GPM6A: variants seen among roughly 807,000 people sequenced by gnomAD.
The protein encoded by GPM6A is neuronal membrane glycoprotein M6-a.
A neutral mutation model predicts 32.1 loss-of-function variants in GPM6A; 7 were observed. That is an observed-to-expected ratio of 0.22 (90% CI 0.12 to 0.41). The LOEUF (loss-of-function observed/expected upper bound fraction) is 0.41, where lower values mean the gene tolerates loss of function less well. Ranked by LOEUF, GPM6A falls within the 10% of genes least tolerant of loss-of-function variation. The pLI, the probability that GPM6A is intolerant of heterozygous loss-of-function variation, is 1.00. For synonymous variants in GPM6A, 130 were observed against 123.4 expected, an observed-to-expected ratio of 1.05 and a Z score of -0.35; for missense variants, 235 against 347.2, an observed-to-expected ratio of 0.68 and a Z score of 2.57.
chr4:175,756,032 G>A (rs1732510027), intron 1 of GPM6A, among the ~76,000 whole-genome samples: 1 of 152,166 alleles, frequency 6.6e-6, no homozygotes, highest in Non-Finnish European at 1.5e-5. Context: ...AAGAGGAGGA[G>A]AGAAGATTTC....
At chr4:175,695,205 G>A (rs1480392876) in intron 2 of GPM6A, among the ~76,000 whole-genome samples, 1 of 152,216 alleles carries the variant, frequency 6.6e-6, no homozygotes, top group Non-Finnish European at 1.5e-5. Context: ...ACTATGGAGG[G>A]GAAATGTGAG....
chr4:175,697,500 G>C (rs1348097449), intron 2 of GPM6A, among the ~76,000 whole-genome samples: 1 of 152,136 alleles, frequency 6.6e-6, no homozygotes, highest in East Asian at 1.9e-4. Context: ...ACCAACAGAA[G>C]TTGTGATTAG....
chr4:175,716,692 A>C (rs1352864004), intron 1 of GPM6A, among the ~76,000 whole-genome samples: 2 of 152,232 alleles, frequency 1.3e-5, no homozygotes, highest in African/African-American at 4.8e-5. Context: ...TGAGACCTTC[A>C]GAACTATTAA....
chr4:175,921,852 T>C (rs1411051493), intron 1 of GPM6A, among the ~76,000 whole-genome samples: 2 of 152,166 alleles, frequency 1.3e-5, no homozygotes, highest in Non-Finnish European at 2.9e-5. Context: ...CAACACAAAT[T>C]ATATTAGCCT....
chr4:175,893,088 C>T (rs1266149526), intron 1 of GPM6A, among the ~76,000 whole-genome samples: 2 of 152,112 alleles, frequency 1.3e-5, no homozygotes, highest in African/African-American at 2.4e-5. Context: ...TGCACTGTTT[C>T]GCTACTTAAT....
intron 2 of GPM6A, among the ~76,000 whole-genome samples, chr4:175,682,334 G>A (rs994170864): frequency 8.5e-5 from 13 of 152,116 alleles, no homozygotes; most frequent in African/African-American, 2.4e-4. Flanking sequence ...TATTTAAACA[G>A]GAAGCATAGC....
chr4:175,740,551 A>G (rs1466700366), intron 1 of GPM6A, among the ~76,000 whole-genome samples: 58 of 152,182 alleles, frequency 3.8e-4, no homozygotes, highest in Non-Finnish European at 2.9e-5. Flanking sequence ...CTCCCAACAG[A>G]AAGAAAAATT....
intron 1 of GPM6A, among the ~76,000 whole-genome samples, chr4:176,000,677 T>A (rs149593674): frequency 6.6e-6 from 1 of 152,168 alleles, no homozygotes; most frequent in African/African-American, 2.4e-5. Flanking sequence ...ATTTTGACTT[T>A]CCATTTCTGA....
At chr4:175,868,795 C>G (rs576877805) in intron 1 of GPM6A, among the ~76,000 whole-genome samples, 12 of 152,250 alleles carry the variant, frequency 7.9e-5, no homozygotes, top group African/African-American at 2.9e-4. Context: ...ATGTTGAATC[C>G]TTACTTGATG....
At chr4:175,705,441 G>A (rs568985521) in intron 1 of GPM6A, among the ~76,000 whole-genome samples, 1 of 152,188 alleles carries the variant, frequency 6.6e-6, no homozygotes, top group South Asian at 2.1e-4. Context: ...CACTTGTAAC[G>A]GGCTAGATCC....
intron 1 of GPM6A, among the ~76,000 whole-genome samples, chr4:175,987,645 G>A (rs184544845): frequency 9.5e-4 from 144 of 151,558 alleles, no homozygotes; most frequent in African/African-American, 2.9e-3. Flanking sequence ...ACAACTCCAC[G>A]ATTATATATT....
intron 3 of GPM6A, among the ~76,000 whole-genome samples, chr4:175,667,959 TG>T (rs1309330382): frequency 1.3e-5 from 2 of 152,186 alleles, no homozygotes; most frequent in Non-Finnish European, 2.9e-5. Flanking sequence ...TATGGTGATC[TG>T]AGAAGCATCC....
chr4:175,940,620 C>A (rs2333323), intron 1 of GPM6A, among the ~76,000 whole-genome samples: 78,599 of 151,830 alleles, frequency 0.52, 23,279 homozygotes, highest in Admixed American at 0.65. Context: ...CTCCCACGTC[C>A]CCCCGAGATG....
intron 1 of GPM6A, among the ~76,000 whole-genome samples, chr4:175,873,604 A>G (rs1029755750): frequency 6.6e-6 from 1 of 152,160 alleles, no homozygotes; most frequent in African/African-American, 2.4e-5. Context: ...ACTAACAATT[A>G]TTAATGAATT....
chr4:175,721,043 T>TA (rs1472182637), intron 1 of GPM6A, among the ~76,000 whole-genome samples: 5 of 88,460 alleles, frequency 5.7e-5, no homozygotes, highest in Non-Finnish European at 1.0e-4. Flanking sequence ...ATATATATTA[T>TA]ATATATATAT....
rs1741757755 is a variant in GPM6A, at chr4:175,650,752, CTG to C, written c.541+1080_541+1081del. On this transcript the variant is annotated intron_variant, in intron 4 of 6. Coordinates refer to ENST00000393658, the MANE Select transcript of GPM6A (RefSeq NM_201591.3). ...ACCCTATAATCTACTTACAGTATAA[CTG>C]TAAAGCCACAAGCCCTTCATACCCC... Among the ~76,000 whole-genome samples, 5 of 152,286 alleles carry C rather than the reference CTG, an allele frequency of 3.3e-5. No homozygotes were observed. The South Asian group carries it at 1.0e-3, about 32-fold the overall frequency.
intron 1 of GPM6A, among the ~76,000 whole-genome samples, chr4:175,943,671 A>G (rs773561365): frequency 1.3e-5 from 2 of 152,078 alleles, no homozygotes; most frequent in African/African-American, 4.8e-5. Context: ...TGTTTATGTG[A>G]TGGATGATGT....
intron 3 of GPM6A, among the ~76,000 whole-genome samples, chr4:175,670,753 C>A (rs1031084949): frequency 6.6e-6 from 1 of 151,740 alleles, no homozygotes; most frequent in African/African-American, 2.4e-5. Flanking sequence ...GTGCTGATAC[C>A]GCATGAAAGG....
chr4:175,824,107 A>T (rs1355758737), intron 1 of GPM6A, among the ~76,000 whole-genome samples: 1 of 152,226 alleles, frequency 6.6e-6, no homozygotes, highest in Non-Finnish European at 1.5e-5. Flanking sequence ...TGGGTGTTCC[A>T]GAAACACCCG....
Sources: allele counts gnomAD v4.1 joint callset (sites outside exome capture counted in the v4.1 genomes callset), GRCh38; gene constraint gnomAD v4.1.1; transcripts MANE v1.5; gene names NCBI Gene and HGNC (gene_info 2026-07-23, HGNC 2026-07-21).